Variants in WNT5A observed in about 807,000 individuals in gnomAD.
The protein encoded by WNT5A is protein Wnt-5a.
A neutral mutation model predicts 42.1 loss-of-function variants in WNT5A; 9 were observed. The observed-to-expected ratio is 0.21, with a 90% confidence interval of 0.13 to 0.37. The LOEUF (loss-of-function observed/expected upper bound fraction) is 0.37, where lower values mean the gene tolerates loss of function less well. WNT5A is among the 10% of genes least tolerant of loss of function. WNT5A has a pLI of 1.00. For synonymous variants in WNT5A, 210 were observed against 210.0 expected (o/e 1.00, Z 0.00); for missense variants, 426 against 534.0 (o/e 0.80, Z 1.99).
intron 3 of WNT5A, among the ~76,000 whole-genome samples, chr3:55,475,346 G>A (rs577360580): frequency 3.2e-4 from 48 of 152,262 alleles, no homozygotes; most frequent in African/African-American, 9.1e-4. Flanking sequence ...CACTGCCAGC[G>A]GCCACACTAG....
rs1392410251 is a variant in WNT5A, at chr3:55,474,562, C to T, written c.459G>A (p.Ala153=). The T allele has an allele frequency of 4.0e-6, 6 of 1,513,744 alleles. No individual in the cohort carries two copies. In the Admixed American group the frequency reaches 1.1e-4, roughly 28 times the overall value. The allele number at this position is 1,513,744 out of a possible 1,614,324, so 93.8% of individuals were successfully genotyped here. Residue 153 remains alanine, a synonymous_variant, in exon 4 of 5, where the codon GCG becomes GCA. Coordinates refer to ENST00000264634, the MANE Select transcript of WNT5A (RefSeq NM_003392.7). The stretch of plus-strand genomic sequence containing the variant: ...AGGTGGACAGCTCGCCCTCGCGGCA[C>T]GCCCGGCTCATGGCGTTCACCACCC... The part of the protein sequence containing the change: ...AAGVVNAMSR[A]CREGELSTCG...
rs1002039185 is a variant in WNT5A, at chr3:55,467,013, C to A, written c.*3079G>T. On this transcript the variant is annotated 3_prime_UTR_variant, in exon 5 of 5. Transcript: ENST00000264634. ...TTTCCGTGTACATTTTTGAAAAGCA[C>A]AATAACTTGTATTAATTGCACTTAA... The A allele has an allele frequency of 2.0e-5, 3 of 152,144 alleles. No individual in the cohort carries two copies. The highest frequency in any genetic ancestry group is 4.4e-5 in the Non-Finnish European group (3 of 68,022). 9.4% of individuals were successfully genotyped at this position (152,144 alleles called of 1,614,324 possible). A position where few individuals can be genotyped will look rare whatever the true frequency, so the allele number is the denominator to read the frequency against.
chr3:55,503,988 AT>A, the WNT5A span, among the ~76,000 whole-genome samples: 1 of 151,946 alleles, frequency 6.6e-6, no homozygotes, highest in Non-Finnish European at 1.5e-5. Flanking sequence ...TAGAGAATAA[AT>A]TTTGGGGCAC....
Position 55,483,116 on chromosome 3 carries a change from C to T in WNT5A, c.7-2198G>A, listed in dbSNP as rs575251541. Among the ~76,000 whole-genome samples the T allele has an allele frequency of 6.6e-6, 1 of 152,288 alleles. No homozygotes were observed. The highest frequency in any genetic ancestry group is 1.9e-4 in the East Asian group (1 of 5,170). Reference sequence around the variant, plus strand: ...TTTGTTAGAGCCGAAGCCACACAAACCGAACCCACTCCCAGCCCGAAGCCC... The same window carrying T: ...TTTGTTAGAGCCGAAGCCACACAAATCGAACCCACTCCCAGCCCGAAGCCC... On this transcript the variant is annotated intron_variant, in intron 1 of 4. Transcript: ENST00000264634. The surrounding 1 kb of genome is among the most constrained non-coding windows in gnomAD (Gnocchi z 4.2).
At chr3:55,486,186 C>T (rs1238825473) in intron 1 of WNT5A, among the ~76,000 whole-genome samples, 1 of 152,194 alleles carries the variant, frequency 6.6e-6, no homozygotes, top group African/African-American at 2.4e-5. Context: ...CAAGTGTTTT[C>T]TAAAGGACAA....
intron 1 of WNT5A, among the ~76,000 whole-genome samples, 176 bp downstream of exon 1, chr3:55,486,804 T>G (rs554228249): frequency 1.3e-5 from 2 of 152,226 alleles, no homozygotes; most frequent in South Asian, 4.1e-4. Flanking sequence ...ACTGAGGCAG[T>G]GCGCCCGGCG....
chr3:55,494,988 T>C (rs1294061835), upstream of WNT5A, among the ~76,000 whole-genome samples: 1 of 152,214 alleles, frequency 6.6e-6, no homozygotes, highest in Admixed American at 6.5e-5. Flanking sequence ...TAAAAGTGCA[T>C]CCTCAAATCT....
chr3:55,498,377 C>A, the WNT5A span, among the ~76,000 whole-genome samples: 2 of 152,152 alleles, frequency 1.3e-5, no homozygotes, highest in Non-Finnish European at 2.9e-5. Flanking sequence ...TGAGCCGCGG[C>A]TCCCGCTCTC....
chr3:55,495,087 G>A (rs1467187737), upstream of WNT5A, among the ~76,000 whole-genome samples: 1 of 152,022 alleles, frequency 6.6e-6, no homozygotes, highest in Non-Finnish European at 1.5e-5. Flanking sequence ...CATACATCTG[G>A]TGTACAAAAC....
Position 55,470,395 on chromosome 3 carries a change from G to C in WNT5A, c.840C>G (p.Ser280Arg). The change falls in exon 5 of 5, where the codon AGC (serine) becomes AGG (arginine). Residue 280 changes from serine (S) to arginine (R), a missense_variant. Ser to Arg is a moderately radical substitution (Grantham distance 110, BLOSUM62 -1). Transcript: ENST00000264634. The part of the protein sequence containing the change: ...YDSAAAMRLN[S>R]RGKLVQVNSR... ...TGTTGACCTGTACCAACTTGCCCCG[G>C]CTGTTGAGCCGCATGGCCGCCGCGC... 1 of 1,613,762 alleles carries C rather than the reference G, an allele frequency of 6.2e-7. No individual in the cohort carries two copies. The highest frequency in any genetic ancestry group is 8.5e-7 in the Non-Finnish European group (1 of 1,179,812).
Position 55,474,414 on chromosome 3 carries a change from C to G in WNT5A, c.607G>C (p.Glu203Gln), listed in dbSNP as rs1414414180. Residue 203 changes from glutamate (E) to glutamine (Q), a missense_variant, in exon 4 of 5, where the codon GAG becomes CAG. Transcript: ENST00000264634. Reference sequence around the variant, plus strand: ...TAGGAGCCCTTGGCGTGGATGCGCTCCCGCTCGCGGGCGTCCACGAACTCC... The same window carrying G: ...TAGGAGCCCTTGGCGTGGATGCGCTGCCGCTCGCGGGCGTCCACGAACTCC... ...AKEFVDARER[E>Q]RIHAKGSYES... 1 of 1,612,078 alleles carries G rather than the reference C, an allele frequency of 6.2e-7. No individual in the cohort carries two copies. Among genetic ancestry groups the G allele is most frequent in the South Asian group, 1.1e-5 (1 of 90,988 alleles).
chr3:55,479,265 T>C, intron 3 of WNT5A, 49 bp downstream of exon 3: 2 of 1,443,834 alleles, frequency 1.4e-6, no homozygotes, highest in Non-Finnish European at 1.8e-6. Context: ...GGATTTCTTC[T>C]AGGAAAAAAA....
At chr3:55,503,305 C>T in the WNT5A span, among the ~76,000 whole-genome samples, 1 of 152,178 alleles carries the variant, frequency 6.6e-6, no homozygotes, top group Non-Finnish European at 1.5e-5. Context: ...TAATACCTAT[C>T]ATTTCCATTT....
chr3:55,497,144 G>T, the WNT5A span, among the ~76,000 whole-genome samples: 2 of 152,208 alleles, frequency 1.3e-5, no homozygotes, highest in Non-Finnish European at 2.9e-5. Flanking sequence ...GACTTGAACA[G>T]GATCTAGAAG....
At chr3:55,486,959 G>A (rs1182203731) in intron 1 of WNT5A, 21 bp downstream of exon 1, 7 of 1,608,382 alleles carry the variant, frequency 4.4e-6, no homozygotes, top group Non-Finnish European at 6.0e-6. Context: ...GAAAAAAAGT[G>A]GCAGCGCACT....
Position 55,474,394 on chromosome 3 carries a change from G to A in WNT5A, c.627C>T (p.Gly209=). 2 of 1,612,864 alleles carry A rather than the reference G, an allele frequency of 1.2e-6. No individual in the cohort carries two copies. Among genetic ancestry groups the A allele is most frequent in the Non-Finnish European group, 1.7e-6 (2 of 1,179,776 alleles). Residue 209 remains glycine, a synonymous_variant, in exon 4 of 5, where the codon GGC becomes GGT. Transcript: ENST00000264634. ...TGAGGATGCGAGCACTCTCGTAGGA[G>A]CCCTTGGCGTGGATGCGCTCCCGCT... The part of the protein sequence containing the change: ...ARERERIHAK[G]SYESARILMN...
At chr3:55,479,645 G>C in intron 2 of WNT5A, 81 bp from the exon 3 acceptor site, 7 of 1,475,078 alleles carry the variant, frequency 4.7e-6, no homozygotes, top group Non-Finnish European at 6.3e-6. Flanking sequence ...GCAATACATA[G>C]TTTTAAGCAC....
chr3:55,484,685 T>TACACACACACACACAC (rs67013864), intron 1 of WNT5A, among the ~76,000 whole-genome samples: 3 of 137,896 alleles, frequency 2.2e-5, no homozygotes, highest in Non-Finnish European at 3.1e-5. Flanking sequence ...GGCCCCAGGA[T>TACACACACACACACAC]ACACACACAC....
At chr3:55,504,026 C>T in the WNT5A span, among the ~76,000 whole-genome samples, 178 of 152,264 alleles carry the variant, frequency 1.2e-3, no homozygotes, top group Non-Finnish European at 2.2e-3. Context: ...AATTTCAGAA[C>T]TTTGGGAGGC....
Sources: allele counts gnomAD v4.1 joint callset (sites outside exome capture counted in the v4.1 genomes callset), GRCh38; gene constraint gnomAD v4.1.1; non-coding constraint Gnocchi (gnomAD v3.1); transcripts MANE v1.5; gene names NCBI Gene and HGNC (gene_info 2026-07-23, HGNC 2026-07-21).